GABRR2: variants seen among roughly 807,000 people sequenced by gnomAD.
The protein encoded by GABRR2 is gamma-aminobutyric acid receptor subunit rho-2.
GABRR2 carries 36 observed loss-of-function variants against 47.0 expected under a neutral mutation model. The observed-to-expected ratio is 0.77, with a 90% CI of 0.59 to 1.01. The LOEUF (loss-of-function observed/expected upper bound fraction) is 1.01. GABRR2 is among the 50% of genes least tolerant of loss of function. The probability of loss-of-function intolerance (pLI) is 0.00; values close to 1 mark genes in which losing one functional copy is unlikely to be tolerated. For missense variants in GABRR2, 587 were observed against 594.6 expected (o/e 0.99, Z 0.13); for synonymous variants, 204 against 227.5 (o/e 0.90, Z 0.93).
intron 2 of GABRR2, among the ~76,000 whole-genome samples, chr6:89,283,549 A>G (rs1237622592): frequency 6.6e-6 from 1 of 152,238 alleles, no homozygotes; most frequent in Non-Finnish European, 1.5e-5. Flanking sequence ...TACAATAACA[A>G]CGAGAGTATA....
chr6:89,306,900 A>C (rs1767569162), intron 1 of GABRR2, among the ~76,000 whole-genome samples: 1 of 150,300 alleles, frequency 6.7e-6, no homozygotes, highest in Non-Finnish European at 1.5e-5. Context: ...GCTAATCCAC[A>C]GTACGTTACC....
chr6:89,292,838 GATATATCGTATATATCATATATT>G (rs1774493851), intron 2 of GABRR2, among the ~76,000 whole-genome samples: 8 of 124,386 alleles, frequency 6.4e-5, no homozygotes, highest in African/African-American at 2.1e-4. Context: ...TCGTATATAC[GATATATCGTATATATCATATATT>G]ATATATCTAT....
chr6:89,266,741 C>G (rs566624357), intron 6 of GABRR2, among the ~76,000 whole-genome samples: 1 of 152,194 alleles, frequency 6.6e-6, no homozygotes, highest in Non-Finnish European at 1.5e-5. Flanking sequence ...TCATCCCACA[C>G]AGAAACTCTG....
Position 89,269,012 on chromosome 6 carries a change from T to C in GABRR2, c.511A>G (p.Arg171Gly). 1 of 1,613,072 alleles carries C rather than the reference T, an allele frequency of 6.2e-7. No individual in the cohort carries two copies. The change falls in exon 4 of 9, where the codon AGG (arginine) becomes GGG (glycine). Residue 171 changes from arginine (R) to glycine (G), a missense_variant and splice_region_variant. Arg to Gly is a moderately radical substitution (Grantham distance 125). Transcript: ENST00000402938. ...GAACAATGGCCCCCAGACAGCTACC[T>C]CATGCTGTACAGCACGTGTCCATCT... ...FPDGHVLYSM[R>G]ITVTAMCNMD...
intron 2 of GABRR2, among the ~76,000 whole-genome samples, chr6:89,291,102 C>A (rs1024812431): frequency 1.3e-5 from 2 of 152,268 alleles, no homozygotes; most frequent in African/African-American, 4.8e-5. Flanking sequence ...CAGTGAATGG[C>A]CTCACCCAGG....
At chr6:89,263,445 C>G (rs930931977) in intron 8 of GABRR2, among the ~76,000 whole-genome samples, 2 of 152,146 alleles carry the variant, frequency 1.3e-5, no homozygotes, top group Admixed American at 1.3e-4. Flanking sequence ...GGTCAGCCCC[C>G]CCAACCCCTG....
chr6:89,283,956 G>A (rs1291352107), intron 2 of GABRR2, among the ~76,000 whole-genome samples: 1 of 152,150 alleles, frequency 6.6e-6, no homozygotes, highest in Non-Finnish European at 1.5e-5. Flanking sequence ...CATAATTACA[G>A]CTCTTAAGGT....
In GABRR2 at chr6:89,268,090, C is replaced by A. The variant is rs755582726; in HGVS notation, c.519G>T (p.Thr173=). The A allele has an allele frequency of 6.2e-7, 1 of 1,607,830 alleles. No homozygotes were observed. The highest frequency in any genetic ancestry group is 8.5e-7 in the Non-Finnish European group (1 of 1,176,822). Residue 173 remains threonine (T), a synonymous_variant, in exon 5 of 9, where the codon ACG becomes ACT. Transcript: ENST00000402938. The part of the protein sequence containing the change: ...DGHVLYSMRI[T]VTAMCNMDFS... ...AGTCCATGTTGCACATGGCAGTGAC[C>A]GTAATCCTAGACAACCCAGAGTCAC...
chr6:89,299,830 A>G lies in GABRR2; in HGVS notation c.149T>C (p.Ile50Thr), dbSNP rs1188096426. The change falls in exon 2 of 9, where the codon ATC becomes ACC. Residue 50 changes from isoleucine (I) to threonine (T), a missense_variant. Transcript: ENST00000402938. Reference sequence around the variant, plus strand: ...AAGCTGCTGAGGCTTTCCCTTCCGGATCTTGGTCACATCAAGGTTCTTCTT... The same window carrying G: ...AAGCTGCTGAGGCTTTCCCTTCCGGGTCTTGGTCACATCAAGGTTCTTCTT... ...LYKKNLDVTK[I>T]RKGKPQQLLR... 1.9e-6 allele frequency: 3 copies of G among 1,613,892 alleles called. No individual in the cohort carries two copies. The highest frequency in any genetic ancestry group is 2.5e-6 in the Non-Finnish European group (3 of 1,179,766).
At chr6:89,270,853 C>A (rs1485739697) in intron 3 of GABRR2, among the ~76,000 whole-genome samples, 1 of 152,156 alleles carries the variant, frequency 6.6e-6, no homozygotes, top group African/African-American at 2.4e-5. Flanking sequence ...TCCCTGCATT[C>A]ATGGAGCTTA....
At chr6:89,290,952 C>T (rs531129790) in intron 2 of GABRR2, among the ~76,000 whole-genome samples, 19 of 152,290 alleles carry the variant, frequency 1.2e-4, no homozygotes, top group Middle Eastern at 3.4e-3. Flanking sequence ...GGCTTTGCCA[C>T]AGCTGCTACT....
At chr6:89,292,747 T>TATCTCTGATATATATCAG (rs1774476674) in intron 2 of GABRR2, among the ~76,000 whole-genome samples, 1 of 108,578 alleles carries the variant, frequency 9.2e-6, no homozygotes, top group Admixed American at 9.5e-5. Context: ...TATATAATCG[T>TATCTCTGATATATATCAG]ATATATCGTA....
At chr6:89,302,965 G>C (rs1767483391) in intron 1 of GABRR2, 1 of 1,289,366 alleles carries the variant, frequency 7.8e-7, no homozygotes. Flanking sequence ...CATGGGCAAG[G>C]GCATGGACGA....
At chr6:89,304,720 A>G (rs764484355) in intron 1 of GABRR2, among the ~76,000 whole-genome samples, 2 of 152,248 alleles carry the variant, frequency 1.3e-5, no homozygotes, top group Non-Finnish European at 2.9e-5. Context: ...AGAGAAATGC[A>G]AATCAAAACC....
At chr6:89,286,072 G>T (rs1774331383) in intron 2 of GABRR2, among the ~76,000 whole-genome samples, 1 of 151,992 alleles carries the variant, frequency 6.6e-6, no homozygotes, top group Admixed American at 6.6e-5. Context: ...CTTCCTCCTG[G>T]GCCTATCTCT....
At chr6:89,278,228 T>A (rs1268700629) in intron 2 of GABRR2, among the ~76,000 whole-genome samples, 1 of 152,162 alleles carries the variant, frequency 6.6e-6, no homozygotes, top group Non-Finnish European at 1.5e-5. Flanking sequence ...GAAGATTATG[T>A]ATGTTGGAGA....
rs953380143 is a variant in GABRR2 at position 89,257,815 on chromosome 6, T to C, written c.1253A>G (p.Asn418Ser). ...VVHLGLSGEA[N>S]AARKKGLLKG... Reference sequence around the variant, plus strand: ...CAGAAGCCCCTTCTTTCTGGCAGCGTTGGCTTCACCACTCAGGCCCAGGTG... The same window carrying C: ...CAGAAGCCCCTTCTTTCTGGCAGCGCTGGCTTCACCACTCAGGCCCAGGTG... The change falls in exon 9 of 9, where the codon AAC becomes AGC. Residue 418 changes from asparagine to serine, a missense_variant. Coordinates refer to ENST00000402938, the MANE Select transcript of GABRR2 (RefSeq NM_002043.5). 8 of 1,614,064 alleles carry C rather than the reference T, an allele frequency of 5.0e-6. No homozygotes were observed. The highest frequency in any genetic ancestry group is 5.9e-6 in the Non-Finnish European group (7 of 1,179,898).
At chr6:89,259,083 G>A (rs1049309109) in intron 8 of GABRR2, among the ~76,000 whole-genome samples, 2 of 151,942 alleles carry the variant, frequency 1.3e-5, no homozygotes, top group Admixed American at 6.5e-5. Flanking sequence ...AAATGGTTTC[G>A]CTTGACTTCT....
chr6:89,274,885 A>T (rs190849510), intron 2 of GABRR2, among the ~76,000 whole-genome samples: 464 of 152,092 alleles, frequency 3.1e-3, no homozygotes, highest in African/African-American at 0.01. Context: ...ATAATTTTTA[A>T]AAAAATAATG....
Sources: allele counts gnomAD v4.1 joint callset (sites outside exome capture counted in the v4.1 genomes callset), GRCh38; gene constraint gnomAD v4.1.1; transcripts MANE v1.5; gene names NCBI Gene and HGNC (gene_info 2026-07-23, HGNC 2026-07-21).